KRT85: variants seen among roughly 807,000 people sequenced by gnomAD.
KRT85 encodes keratin 85.
Under a neutral mutation model 53.7 loss-of-function variants are expected in KRT85, and 39 were observed. The ratio of observed to expected loss-of-function variants is 0.73; its 90% CI spans 0.56 to 0.95. The LOEUF (loss-of-function observed/expected upper bound fraction) is 0.95. Ranked by LOEUF, KRT85 falls within the 40% of genes least tolerant of loss-of-function variation. The pLI, the probability that KRT85 is intolerant of heterozygous loss-of-function variation, is 0.00. For missense variants in KRT85, 668 were observed against 686.0 expected (o/e 0.97, Z 0.29); for synonymous variants, 291 against 277.5 (o/e 1.05, Z -0.48).
rs1224861940 is a variant in KRT85 at position 52,360,745 on chromosome 12, C to A, written c.*108G>T. The A allele has an allele frequency of 1.6e-6, 2 of 1,284,890 alleles. No homozygotes were observed. Among genetic ancestry groups the A allele is most frequent in the African/African-American group, 2.9e-5 (2 of 68,678 alleles). The allele number at this position is 1,284,890 out of a possible 1,614,324, so 79.6% of individuals were successfully genotyped here. A position where few individuals can be genotyped will look rare whatever the true frequency, so the allele number is the denominator to read the frequency against. Reference sequence around the variant, plus strand: ...CTGTAGGTCTTTCCCTCTGTAGGAACATCCAGAAGATTCTGGAAGCAAGCA... The same window carrying A: ...CTGTAGGTCTTTCCCTCTGTAGGAAAATCCAGAAGATTCTGGAAGCAAGCA... On this transcript the variant is annotated 3_prime_UTR_variant, in exon 9 of 9. Transcript: ENST00000257901.
chr12:52,364,471 C>T (rs1197616513), intron 2 of KRT85, 105 bp from the exon 3 acceptor site: 2 of 1,598,224 alleles, frequency 1.3e-6, no homozygotes, highest in African/African-American at 2.7e-5. Context: ...TTAATCCCCT[C>T]CAGATGTTGT....
At position 52,362,873 on chromosome 12, in the gene KRT85, A is replaced by G. The variant is rs1173446382; in HGVS notation, c.1058T>C (p.Ile353Thr). ...NRMIQRLTAE[I>T]ENAKCQRAKL... The stretch of plus-strand genomic sequence containing the variant: ...CCCCACCTGGCACTTGGCATTCTCA[A>G]TCTCGGCCGTCAGCCTCTGGATCAT... The change falls in exon 6 of 9, where the codon ATT becomes ACT. Residue 353 changes from isoleucine (I) to threonine (T), a missense_variant. Physicochemically the swap from Ile to Thr is moderately conservative, Grantham distance 89. Coordinates refer to ENST00000257901, the MANE Select transcript of KRT85 (RefSeq NM_002283.4). 7 of 1,613,876 alleles carry G rather than the reference A, an allele frequency of 4.3e-6. No individual in the cohort carries two copies. The South Asian group carries it at 5.5e-5, about 13-fold the overall frequency.
In KRT85 at chr12:52,362,887, C is replaced by T. The variant is rs138197383; in HGVS notation, c.1044G>A (p.Arg348=). ...TGGCATTCTCAATCTCGGCCGTCAG[C>T]CTCTGGATCATGCGGTTCAGCTCGT... ...EINELNRMIQ[R]LTAEIENAKC... Residue 348 remains arginine (R), a synonymous_variant, in exon 6 of 9, where the codon AGG becomes AGA. Coordinates refer to ENST00000257901, the MANE Select transcript of KRT85 (RefSeq NM_002283.4). The T allele has an allele frequency of 5.2e-3, 8,373 of 1,614,178 alleles. 28 individuals carry two copies. Among genetic ancestry groups the T allele is most frequent in the Non-Finnish European group, 6.1e-3 (7,256 of 1,180,036 alleles).
In KRT85 at chr12:52,360,831, A is replaced by C. The variant is rs755014503; in HGVS notation, c.*22T>G. The C allele has an allele frequency of 1.2e-6, 2 of 1,610,932 alleles. No homozygotes were observed. The highest frequency in any genetic ancestry group is 2.7e-5 in the African/African-American group (2 of 74,838). On this transcript the variant is annotated 3_prime_UTR_variant, in exon 9 of 9. Transcript: ENST00000257901. ...TGCAGGCAGGCAGGTGCTTGGCAGG[A>C]AGCCCTGGCTCCATGACTCTACTAG...
intron 1 of KRT85, 115 bp downstream of exon 1, chr12:52,366,871 G>T: frequency 6.4e-7 from 1 of 1,559,658 alleles, no homozygotes; most frequent in Non-Finnish European, 8.8e-7. Flanking sequence ...GGGTCTGCAC[G>T]TCATTCCCTC....
rs759114135 is a variant in KRT85, at chr12:52,360,883, G to A, written c.1494C>T (p.Cys498=). Residue 498 remains cysteine (C), a synonymous_variant, in exon 9 of 9, where the codon TGC becomes TGT. Transcript: ENST00000257901. The part of the protein sequence containing the change: ...PCQPRSSSFS[C]GSSRSVRFA ...CAAAGCGGACCGACCGGCTACTCCC[G>A]CAGCTGAAGCTGGAGGAACGAGGCT... 4.0e-5 allele frequency: 64 copies of A among 1,612,206 alleles called. No homozygotes were observed. The highest frequency in any genetic ancestry group is 3.0e-4 in the Admixed American group (18 of 60,008).
At chr12:52,364,751 C>T in intron 2 of KRT85, 3 of 1,369,516 alleles carry the variant, frequency 2.2e-6, no homozygotes, top group Non-Finnish European at 2.9e-6. Context: ...CTCTTCATTC[C>T]CCCAGAAGTA....
chr12:52,365,087 C>T lies in KRT85; in HGVS notation c.504G>A (p.Leu168=). Residue 168 remains leucine, a synonymous_variant, in exon 2 of 9, where the codon CTG becomes CTA. Transcript: ENST00000257901. ...CGATGTAGCCACTGAACAGTGGCTC[C>T]AGGTTGCTCTCGCAGCAGCGCTGGT... ...YQNQRCCESN[L]EPLFSGYIET... is the part of the protein sequence containing the mutation. 2 of 1,614,122 alleles carry T rather than the reference C, an allele frequency of 1.2e-6. No homozygotes were observed. The highest frequency in any genetic ancestry group is 1.7e-6 in the Non-Finnish European group (2 of 1,180,056).
intron 1 of KRT85, 100 bp from the exon 2 acceptor site, chr12:52,365,270 G>T: frequency 1.5e-6 from 2 of 1,293,702 alleles, no homozygotes; most frequent in Non-Finnish European, 2.2e-6. Flanking sequence ...AATGGGCTGA[G>T]CCATAAAGCT....
chr12:52,364,798 A>G (rs1939247310), intron 2 of KRT85, among the ~76,000 whole-genome samples, 164 bp downstream of exon 2: 1 of 152,230 alleles, frequency 6.6e-6, no homozygotes, highest in Non-Finnish European at 1.5e-5. Context: ...TTAGAGGTGA[A>G]TCCCAGGAAT....
chr12:52,362,124 T>C lies in KRT85; in HGVS notation c.1298+127A>G, dbSNP rs1242169908. ...GCACAGAAGCATTCAGTTATTATTATTATTATTATTGAAGCTATTGTATTA... is the reference window on the plus strand; with the variant it reads ...GCACAGAAGCATTCAGTTATTATTACTATTATTATTGAAGCTATTGTATTA... On this transcript the variant is annotated intron_variant, in intron 7 of 8. Transcript: ENST00000257901. The C allele has an allele frequency of 3.2e-5, 35 of 1,107,856 alleles. No homozygotes were observed. In the Admixed American group the frequency reaches 3.2e-4, roughly 10 times the overall value. 68.6% of individuals were successfully genotyped at this position (1,107,856 alleles called of 1,614,324 possible). A position where few individuals can be genotyped will look rare whatever the true frequency, so the allele number is the denominator to read the frequency against.
chr12:52,364,026 A>T, intron 4 of KRT85, 42 bp downstream of exon 4: 2 of 1,484,526 alleles, frequency 1.3e-6, no homozygotes, highest in Non-Finnish European at 9.4e-7. Context: ...TCTCCAAAAC[A>T]CCCCTCCACC....
intron 4 of KRT85, 144 bp downstream of exon 4, chr12:52,363,924 C>T (rs1939232482): frequency 1.3e-6 from 1 of 759,962 alleles, no homozygotes; most frequent in Non-Finnish European, 2.4e-6. Flanking sequence ...GTATTGTGGG[C>T]CCCAGCACGT....
intron 1 of KRT85, among the ~76,000 whole-genome samples, 175 bp downstream of exon 1, chr12:52,366,811 G>C (rs533156100): frequency 6.6e-6 from 1 of 152,160 alleles, no homozygotes; most frequent in Non-Finnish European, 1.5e-5. Context: ...CCTGGACCTC[G>C]TTAAATGCTG....
chr12:52,360,996 T>TG lies in KRT85; in HGVS notation c.1380dup (p.Thr461HisfsTer24). ...GAAGTGATCTGGCGCCCTGGGGTGG[T>TG]GCTGTAGGAGAGGCCCCCACAGGAG... On this transcript the variant is annotated frameshift_variant, in exon 9 of 9. Coordinates refer to ENST00000257901, the MANE Select transcript of KRT85 (RefSeq NM_002283.4). LOFTEE classifies it high-confidence loss of function. 1 of 1,613,176 alleles carries TG rather than the reference T, an allele frequency of 6.2e-7. No individual in the cohort carries two copies. Among genetic ancestry groups the TG allele is most frequent in the African/African-American group, 1.3e-5 (1 of 74,830 alleles).
At chr12:52,365,413 T>C (rs554701241) in intron 1 of KRT85, among the ~76,000 whole-genome samples, 3 of 152,322 alleles carry the variant, frequency 2.0e-5, no homozygotes, top group African/African-American at 7.2e-5. Context: ...AGCAAGTTGT[T>C]TAACCTCCTG....
At chr12:52,362,663 A>C (rs747811725) in intron 6 of KRT85, among the ~76,000 whole-genome samples, 191 bp downstream of exon 6, 11 of 152,154 alleles carry the variant, frequency 7.2e-5, no homozygotes, top group Non-Finnish European at 1.3e-4. Context: ...GATGGCGGTC[A>C]CAGGGTGGCC....
intron 2 of KRT85, chr12:52,364,730 C>T: frequency 1.4e-6 from 2 of 1,387,854 alleles, no homozygotes; most frequent in Non-Finnish European, 1.9e-6. Flanking sequence ...TAGAATTCCA[C>T]TGGATTTCCT....
rs377416895 is a variant in KRT85 at position 52,364,208 on chromosome 12, C to A, written c.691-45G>T. On this transcript the variant is annotated intron_variant, in intron 3 of 8. Transcript: ENST00000257901. ...GAGGGGACATGCATGTGAGAGGAGA[C>A]CAAAGAAAGGTGCCTTTGGTCAGCA... 5.6e-4 allele frequency: 910 copies of A among 1,613,014 alleles called. 13 individuals carry two copies. The South Asian group carries it at 9.4e-3, about 17-fold the overall frequency.
Sources: allele counts gnomAD v4.1 joint callset (sites outside exome capture counted in the v4.1 genomes callset), GRCh38; gene constraint gnomAD v4.1.1; transcripts MANE v1.5; gene names NCBI Gene and HGNC (gene_info 2026-07-23, HGNC 2026-07-21).